The following GPLD1 variants were observed in gnomAD, a reference collection of about 807,000 sequenced individuals.
GPLD1 encodes the protein phosphatidylinositol-glycan-specific phospholipase D.
In GPLD1, 84 loss-of-function variants were observed where a neutral mutation model predicts 112.6. The observed-to-expected ratio is 0.75, with a 90% CI of 0.63 to 0.89. The LOEUF (loss-of-function observed/expected upper bound fraction) is 0.89, where lower values mean the gene tolerates loss of function less well. Ranked by LOEUF, GPLD1 falls within the 40% of genes least tolerant of loss-of-function variation. The pLI, the probability that GPLD1 is intolerant of heterozygous loss-of-function variation, is 0.00. For missense variants in GPLD1, 1,044 were observed against 1,051.5 expected (o/e 0.99, Z 0.10); for synonymous variants, 386 against 403.8 (o/e 0.96, Z 0.53).
chr6:24,449,810 GCCCACCGAGGGAGCT>G lies in GPLD1; in HGVS notation c.1410_1424del (p.Ala471_Gly475del). 1 of 1,612,262 alleles carries G rather than the reference GCCCACCGAGGGAGCT, an allele frequency of 6.2e-7. No individual in the cohort carries two copies. Among genetic ancestry groups the G allele is most frequent in the Non-Finnish European group, 8.5e-7 (1 of 1,178,570 alleles). On this transcript the variant is annotated inframe_deletion, in exon 15 of 25. Coordinates refer to ENST00000230036, the MANE Select transcript of GPLD1 (RefSeq NM_001503.4). Reference sequence around the variant, plus strand: ...TTACTTTGTAGGTGAGCTGCTCGGAGCCCACCGAGGGAGCTCCCACGGCCAGGTCAGGCACGCCGT... The same window carrying G: ...TTACTTTGTAGGTGAGCTGCTCGGAGCCCACGGCCAGGTCAGGCACGCCGT...
Position 24,476,253 on chromosome 6 carries a change from GCT to G in GPLD1, c.256_257del (p.Ser86HisfsTer8). Reference protein sequence around the residue: ...KGGKFHDVSESTHWTPFLNAS... With the variant: ...KGGKFHDVSEXTHWTPFLNAS... ...CATTAAGAAACGGAGTCCAGTGAGTGCTCTCAGACACATCATGGAATTTTCCT... is the reference window on the plus strand; with the variant it reads ...CATTAAGAAACGGAGTCCAGTGAGTGCTCAGACACATCATGGAATTTTCCT... On this transcript the variant is annotated frameshift_variant, in exon 4 of 25. Transcript: ENST00000230036. LOFTEE classifies it high-confidence loss of function. 1.3e-6 allele frequency: 2 copies of G among 1,557,984 alleles called. No homozygotes were observed. The highest frequency in any genetic ancestry group is 1.8e-6 in the Non-Finnish European group (2 of 1,142,274).
chr6:24,445,461 C>T, intron 20 of GPLD1, 85 bp downstream of exon 20: 1 of 859,098 alleles, frequency 1.2e-6, no homozygotes, highest in Non-Finnish European at 2.0e-6. Flanking sequence ...TGTTCAGCTC[C>T]AGATCTCATC....
intron 22 of GPLD1, among the ~76,000 whole-genome samples, 177 bp downstream of exon 22, chr6:24,436,399 T>C (rs1360457897): frequency 6.6e-6 from 1 of 152,236 alleles, no homozygotes; most frequent in Non-Finnish European, 1.5e-5. Context: ...GGCACAAATG[T>C]TGCAGAACTG....
intron 10 of GPLD1, among the ~76,000 whole-genome samples, chr6:24,465,209 A>AAAAAAGAAAAG (rs1763564090): frequency 9.3e-6 from 1 of 107,276 alleles, no homozygotes; most frequent in African/African-American, 4.6e-5. Flanking sequence ...AAAAAAAAAA[A>AAAAAAGAAAAG]AAAAGAAAAG....
chr6:24,488,411 C>CA (rs11304420), intron 1 of GPLD1, among the ~76,000 whole-genome samples: 12,067 of 135,326 alleles, frequency 0.089, 1,225 homozygotes, highest in African/African-American at 0.25. Context: ...GACTCCGTCT[C>CA]AAAAAAAAAA....
intron 24 of GPLD1, among the ~76,000 whole-genome samples, chr6:24,431,498 T>C (rs1762402605): frequency 6.6e-6 from 1 of 152,070 alleles, no homozygotes; most frequent in Non-Finnish European, 1.5e-5. Flanking sequence ...AGTGGATGAA[T>C]GCAATCAGTG....
chr6:24,431,509 G>C (rs1762402915), intron 24 of GPLD1, among the ~76,000 whole-genome samples: 1 of 150,690 alleles, frequency 6.6e-6, no homozygotes, highest in South Asian at 2.1e-4. Context: ...GCAATCAGTG[G>C]TTTACAGGTA....
chr6:24,491,391 C>T (rs1265071722), upstream of GPLD1, among the ~76,000 whole-genome samples: 1 of 152,080 alleles, frequency 6.6e-6, no homozygotes, highest in African/African-American at 2.4e-5. Context: ...CAAACCCATC[C>T]AAAAAGCACC....
At chr6:24,457,805 G>A (rs1189321590) in intron 12 of GPLD1, among the ~76,000 whole-genome samples, 19 of 151,872 alleles carry the variant, frequency 1.3e-4, no homozygotes, top group African/African-American at 4.6e-4. Context: ...CCTGGGAGAT[G>A]GAGGTTGCAG....
At chr6:24,466,553 G>T in intron 10 of GPLD1, 127 bp downstream of exon 10, 1 of 718,020 alleles carries the variant, frequency 1.4e-6, no homozygotes, top group East Asian at 2.7e-5. Context: ...GAATAGGTTA[G>T]AAAAGCACTT....
rs779487640 is a variant in GPLD1 at position 24,437,146 on chromosome 6, G to A, written c.2164C>T (p.Leu722=). ...TCATCATCCAGGTCACTCAAGTGCA[G>A]AACGCCACCAAATCGGGAGAAGCGG... The part of the protein sequence containing the change: ...DRRFSRFGGV[L]HLSDLDDDGL... Residue 722 remains leucine (L), a synonymous_variant, in exon 21 of 25, where the codon CTG becomes TTG. Transcript: ENST00000230036. 6.2e-7 allele frequency: 1 copy of A among 1,614,144 alleles called. No homozygotes were observed. Among genetic ancestry groups the A allele is most frequent in the South Asian group, 1.1e-5 (1 of 91,088 alleles).
chr6:24,482,231 G>A (rs1275448748), intron 2 of GPLD1, among the ~76,000 whole-genome samples: 1 of 151,350 alleles, frequency 6.6e-6, no homozygotes, highest in Non-Finnish European at 1.5e-5. Context: ...CTTCTGAGTA[G>A]CTGGGATTAC....
chr6:24,494,502 T>C (rs1764638640), upstream of GPLD1, among the ~76,000 whole-genome samples: 1 of 152,092 alleles, frequency 6.6e-6, no homozygotes, highest in Non-Finnish European at 1.5e-5. Flanking sequence ...GCTCAGGAGC[T>C]ACAACTGAAG....
intron 2 of GPLD1, among the ~76,000 whole-genome samples, chr6:24,484,105 C>T (rs567567176): frequency 3.9e-5 from 6 of 151,922 alleles, no homozygotes; most frequent in African/African-American, 7.2e-5. Flanking sequence ...TTAGTAGAGA[C>T]GGGGTTTCAC....
rs575360436 is a variant in GPLD1 at position 24,454,034 on chromosome 6, C to A, written c.1316G>T (p.Arg439Met). The part of the protein sequence containing the change: ...VDLDLDKEAH[R>M]ILEGFQPSGR... ...TCTCACCTGGAAGCCTTCAAGGATC[C>A]TGTGGGCCTCCTTGTCCAGGTCCAG... Residue 439 changes from arginine to methionine, a missense_variant, in exon 14 of 25, where the codon AGG becomes ATG. Transcript: ENST00000230036. 1 of 1,611,670 alleles carries A rather than the reference C, an allele frequency of 6.2e-7. No homozygotes were observed. Among genetic ancestry groups the A allele is most frequent in the Non-Finnish European group, 8.5e-7 (1 of 1,178,536 alleles).
chr6:24,456,859 T>G (rs1370272473), intron 12 of GPLD1, among the ~76,000 whole-genome samples: 4 of 152,156 alleles, frequency 2.6e-5, no homozygotes, highest in Admixed American at 6.5e-5. Flanking sequence ...ATGGCAGAGT[T>G]ACAGCCCAAG....
chr6:24,472,586 G>C lies in GPLD1; in HGVS notation c.541C>G (p.Arg181Gly). The part of the protein sequence containing the change: ...FEFNFNYLAR[R>G]WYVPVKDLLG... ...TTAGATGTACATTGCTCTTACCAGC[G>C]TCGTGCAAGGTAATTAAAATTAAAT... is the stretch of plus-strand genomic sequence containing the variant. Residue 181 changes from arginine (R) to glycine (G), a missense_variant, in exon 7 of 25, where the codon CGC (arginine) becomes GGC (glycine). Physicochemically the swap from Arg to Gly is moderately radical, Grantham distance 125. Coordinates refer to ENST00000230036, the MANE Select transcript of GPLD1 (RefSeq NM_001503.4). 1 of 1,577,870 alleles carries C rather than the reference G, an allele frequency of 6.3e-7. No homozygotes were observed. Among genetic ancestry groups the C allele is most frequent in the Non-Finnish European group, 8.7e-7 (1 of 1,147,016 alleles).
At chr6:24,475,699 A>AT (rs1763990553) in intron 4 of GPLD1, among the ~76,000 whole-genome samples, 2 of 150,898 alleles carry the variant, frequency 1.3e-5, no homozygotes, top group Admixed American at 6.6e-5. Context: ...AAAAAAAAAA[A>AT]AAAAAAAAAT....
At position 24,446,856 on chromosome 6, in the gene GPLD1, G is replaced by T. The variant is rs1762925359; in HGVS notation, c.1802C>A (p.Thr601Asn). Residue 601 changes from threonine to asparagine, a missense_variant, in exon 18 of 25, where the codon ACC (threonine) becomes AAC (asparagine). Physicochemically the swap from Thr to Asn is moderately conservative, Grantham distance 65. Coordinates refer to ENST00000230036, the MANE Select transcript of GPLD1 (RefSeq NM_001503.4). ...GCCTCACCTGCTGGCATTCTTCCAG[G>T]TCGGGCTCCCAACCAACAGCAAGGT... ...NRTLLLVGSPTWKNASRLGHL... is the reference protein window; with the variant it reads ...NRTLLLVGSPNWKNASRLGHL... 2.5e-6 allele frequency: 4 copies of T among 1,613,570 alleles called. No individual in the cohort carries two copies. The highest frequency in any genetic ancestry group is 3.4e-6 in the Non-Finnish European group (4 of 1,179,774).
Sources: gnomAD v4.1 joint callset for allele counts (sites outside exome capture counted in the v4.1 genomes callset) on GRCh38, gnomAD v4.1.1 for gene constraint, MANE v1.5 for transcripts, NCBI Gene and HGNC (gene_info 2026-07-23, HGNC 2026-07-21) for gene names.